TPR: variants seen among roughly 807,000 people sequenced by gnomAD.
TPR encodes the protein nucleoprotein TPR.
Under a neutral mutation model 316.1 loss-of-function variants are expected in TPR, and 51 were observed. The observed-to-expected ratio is 0.16, with a 90% confidence interval of 0.13 to 0.20. The LOEUF (loss-of-function observed/expected upper bound fraction) is 0.20. Among genes scored for constraint, TPR ranks in the 10% least tolerant of loss-of-function variants. The probability of loss-of-function intolerance (pLI) is 1.00; values close to 1 mark genes in which losing one functional copy is unlikely to be tolerated. For synonymous variants in TPR, 981 were observed against 914.7 expected (o/e 1.07, Z -1.31); for missense variants, 2,272 against 2,754.8 (o/e 0.82, Z 3.92).
Position 186,335,329 on chromosome 1 carries a change from G to C in TPR, c.4911+9C>G. ...ACAATTTGTTACTTAAGCAGAATTA[G>C]CTAATCACCTTATTAGAAGGTTCTT... On this transcript the variant is annotated intron_variant, in intron 34 of 50. Transcript: ENST00000367478. 1 of 1,611,572 alleles carries C rather than the reference G, an allele frequency of 6.2e-7. No individual in the cohort carries two copies. Among genetic ancestry groups the C allele is most frequent in the East Asian group, 2.2e-5 (1 of 44,862 alleles).
chr1:186,363,584 A>G (rs1659254678), intron 4 of TPR, 139 bp from the exon 5 acceptor site: 1 of 521,096 alleles, frequency 1.9e-6, no homozygotes, highest in Admixed American at 3.8e-5. Flanking sequence ...GATTGGAACC[A>G]TGCAGATTCA....
rs1350327831 is a variant in TPR at position 186,335,371 on chromosome 1, C to G, written c.4878G>C (p.Glu1626Asp). ...ELREHQERHL[E>D]QRDEPQEPSN... ...AAGGTTCTTGAGGCTCATCTCTCTGCTCAAGGTGTCTCTCTTGATGCTCCC... is the reference window on the plus strand; with the variant it reads ...AAGGTTCTTGAGGCTCATCTCTCTGGTCAAGGTGTCTCTCTTGATGCTCCC... Residue 1626 changes from glutamate to aspartate, a missense_variant, in exon 34 of 51, where the codon GAG (glutamate) becomes GAC (aspartate). By Grantham distance (45) the Glu-to-Asp change is conservative. This residue lies in a region of TPR where 109 missense variants were observed against 215.3 expected (regional missense o/e 0.51). Transcript: ENST00000367478. 6.2e-7 allele frequency: 1 copy of G among 1,613,752 alleles called. No individual in the cohort carries two copies. The highest frequency in any genetic ancestry group is 2.2e-5 in the East Asian group (1 of 44,868).
At position 186,332,192 on chromosome 1, in the gene TPR, C is replaced by T. The variant is rs1401643213; in HGVS notation, c.5604+3G>A. 1 of 1,601,562 alleles carries T rather than the reference C, an allele frequency of 6.2e-7. No individual in the cohort carries two copies. The highest frequency in any genetic ancestry group is 1.2e-5 in the South Asian group (1 of 86,430). On this transcript the variant is annotated splice_donor_region_variant and intron_variant, in intron 38 of 50. Coordinates refer to ENST00000367478, the MANE Select transcript of TPR (RefSeq NM_003292.3). ...TAAAATACACAGAAAGAACTTTACG[C>T]ACCTCAGTTCCTACAGGTGTGACAC... is the stretch of plus-strand genomic sequence containing the variant.
chr1:186,353,766 T>C lies in TPR; in HGVS notation c.2256A>G (p.Thr752=), dbSNP rs1658943560. ...TGATAATCTGTTCTTGCTTTTGAGT[T>C]GTGGCAGTGAGTTTCTGATTTCTCT... ...LHERNQKLTA[T]TQKQEQIINT... The change falls in exon 18 of 51, where the codon ACA becomes ACG. Residue 752 remains threonine, a synonymous_variant. Coordinates refer to ENST00000367478, the MANE Select transcript of TPR (RefSeq NM_003292.3). 1 of 1,614,086 alleles carries C rather than the reference T, an allele frequency of 6.2e-7. No homozygotes were observed.
chr1:186,366,545 CTG>C (rs758837212), intron 4 of TPR, among the ~76,000 whole-genome samples: 5 of 152,178 alleles, frequency 3.3e-5, no homozygotes, highest in Non-Finnish European at 5.9e-5. Context: ...ACCCTAACCA[CTG>C]TGTTGTTTAA....
chr1:186,317,352 A>G (rs1571596212), intron 49 of TPR, 130 bp downstream of exon 49: 2 of 724,566 alleles, frequency 2.8e-6, no homozygotes, highest in Admixed American at 2.7e-5. Context: ...TAATAATAAA[A>G]TTTCTCTTTT....
In TPR at chr1:186,350,306, T is replaced by C. The variant is rs1658821517; in HGVS notation, c.2693A>G (p.Gln898Arg). Residue 898 changes from glutamine to arginine, a missense_variant, in exon 21 of 51, where the codon CAA becomes CGA. Physicochemically the swap from Gln to Arg is conservative, Grantham distance 43. Coordinates refer to ENST00000367478, the MANE Select transcript of TPR (RefSeq NM_003292.3). ...CTGTTTCAATGTGGCAATTTCTTTTTGAGCATTTTTTAATAGTTCTTTTGT... is the reference window on the plus strand; with the variant it reads ...CTGTTTCAATGTGGCAATTTCTTTTCGAGCATTTTTTAATAGTTCTTTTGT... ...LNTKELLKNA[Q>R]KEIATLKQHL... 6.2e-7 allele frequency: 1 copy of C among 1,613,890 alleles called. No individual in the cohort carries two copies. Among genetic ancestry groups the C allele is most frequent in the East Asian group, 2.2e-5 (1 of 44,810 alleles).
chr1:186,339,581 G>A (rs975923065), intron 30 of TPR, 61 bp downstream of exon 30: 5 of 1,344,882 alleles, frequency 3.7e-6, no homozygotes, highest in Non-Finnish European at 4.8e-6. Flanking sequence ...GGGGAGTCAT[G>A]TAAATAAGTA....
chr1:186,322,848 G>A (rs1657809585), intron 43 of TPR: 1 of 432,738 alleles, frequency 2.3e-6, no homozygotes, highest in African/African-American at 2.0e-5. Flanking sequence ...ACAGATCTAT[G>A]ATACCATCTT....
At position 186,371,010 on chromosome 1, in the gene TPR, T is replaced by C; in HGVS notation, c.290A>G (p.Lys97Arg). Residue 97 changes from lysine (K) to arginine (R), a missense_variant, in exon 3 of 51, where the codon AAA (lysine) becomes AGA (arginine). Physicochemically the swap from Lys to Arg is conservative, Grantham distance 26 (BLOSUM62 2). Transcript: ENST00000367478. ...NQLKALTEKN[K>R]ELEIAQDRNI... ...GCGATCCTGAGCAATTTCAAGTTCT[T>C]TGTTTTTCTCAGTTAGTGCCTTCAG... 1.2e-6 allele frequency: 2 copies of C among 1,613,066 alleles called. No homozygotes were observed. Among genetic ancestry groups the C allele is most frequent in the Non-Finnish European group, 1.7e-6 (2 of 1,179,494 alleles).
chr1:186,319,460 A>C (rs1238623934), intron 46 of TPR, among the ~76,000 whole-genome samples: 1 of 152,236 alleles, frequency 6.6e-6, no homozygotes, highest in African/African-American at 2.4e-5. Context: ...AAGGTTACTA[A>C]GCTTAAAATG....
At chr1:186,340,967 G>C in intron 29 of TPR, 61 bp downstream of exon 29, 1 of 1,569,438 alleles carries the variant, frequency 6.4e-7, no homozygotes, top group South Asian at 1.2e-5. Flanking sequence ...ATTCCCCTAA[G>C]TTTCCCCTAT....
At chr1:186,342,298 A>G (rs1389946624) in intron 27 of TPR, 2 of 150,806 alleles carry the variant, frequency 1.3e-5, no homozygotes, top group East Asian at 2.0e-4. Flanking sequence ...TATATAATCT[A>G]TGTTACTTGT....
In TPR at chr1:186,311,678, C is replaced by A; in HGVS notation, c.*2293G>T. 7.3e-7 allele frequency: 1 copy of A among 1,376,560 alleles called. No individual in the cohort carries two copies. Among genetic ancestry groups the A allele is most frequent in the South Asian group, 1.2e-5 (1 of 83,700 alleles). 85.3% of individuals were successfully genotyped at this position (1,376,560 alleles called of 1,614,324 possible). A position where few individuals can be genotyped will look rare whatever the true frequency, so the allele number is the denominator to read the frequency against. On this transcript the variant is annotated 3_prime_UTR_variant, in exon 51 of 51. Coordinates refer to ENST00000367478, the MANE Select transcript of TPR (RefSeq NM_003292.3). ...TTTCATTTATTATTGACTTTACTGT[C>A]AAAAGATATCTTTAATGGCTGAAAT... is the stretch of plus-strand genomic sequence containing the variant.
chr1:186,335,301 A>G lies in TPR; in HGVS notation c.4911+37T>C, dbSNP rs773735663. ...CACTTTCAAGTAAAATGTACAAAGA[A>G]AAACAATTTGTTACTTAAGCAGAAT... is the stretch of plus-strand genomic sequence containing the variant. On this transcript the variant is annotated intron_variant, in intron 34 of 50. Coordinates refer to ENST00000367478, the MANE Select transcript of TPR (RefSeq NM_003292.3). 31 of 1,605,468 alleles carry G rather than the reference A, an allele frequency of 1.9e-5. No individual in the cohort carries two copies. In the South Asian group the frequency reaches 3.5e-4, roughly 18 times the overall value.
chr1:186,325,234 C>T (rs1232578215), intron 42 of TPR, among the ~76,000 whole-genome samples: 1 of 152,168 alleles, frequency 6.6e-6, no homozygotes, highest in East Asian at 1.9e-4. Context: ...ATTTAATACA[C>T]ATTTCAAAAT....
rs1337724340 is a variant in TPR at position 186,351,997 on chromosome 1, T to C, written c.2448A>G (p.Leu816=). 6 of 1,603,082 alleles carry C rather than the reference T, an allele frequency of 3.7e-6. No homozygotes were observed. The highest frequency in any genetic ancestry group is 1.7e-5 in the Admixed American group (1 of 57,488). Residue 816 remains leucine (L), a synonymous_variant, in exon 19 of 51, where the codon CTA becomes CTG. Transcript: ENST00000367478. ...LAEQRGQNLL[L]TNLQTIQGIL... ...TTACCTGAATTGTTTGCAGATTAGTTAGCAGTAAGTTTTGCCCCCTTTGTT... is the reference window on the plus strand; with the variant it reads ...TTACCTGAATTGTTTGCAGATTAGTCAGCAGTAAGTTTTGCCCCCTTTGTT...
intron 29 of TPR, among the ~76,000 whole-genome samples, chr1:186,340,646 G>T (rs563272536): frequency 4.6e-5 from 7 of 152,074 alleles, no homozygotes; most frequent in Non-Finnish European, 8.8e-5. Flanking sequence ...GCCCAGGCTG[G>T]TCTCAAACTT....
chr1:186,361,332 G>A (rs1659181026), intron 9 of TPR, among the ~76,000 whole-genome samples: 1 of 151,746 alleles, frequency 6.6e-6, no homozygotes, highest in African/African-American at 2.4e-5. Flanking sequence ...CATTATCAGA[G>A]TAAATGTTTC....
Sources: allele counts gnomAD v4.1 joint callset (sites outside exome capture counted in the v4.1 genomes callset), GRCh38; gene constraint gnomAD v4.1.1; regional missense constraint gnomAD v4.1.1; transcripts MANE v1.5; gene names NCBI Gene and HGNC (gene_info 2026-07-23, HGNC 2026-07-21).